The following FUT9 variants were observed in gnomAD, a reference collection of about 807,000 sequenced individuals.
FUT9 encodes the protein fucosyltransferase 9.
In FUT9, 15 loss-of-function variants were observed where a neutral mutation model predicts 29.7. The ratio of observed to expected loss-of-function variants is 0.51; its 90% CI spans 0.34 to 0.78. The LOEUF (loss-of-function observed/expected upper bound fraction) is 0.78, where lower values mean the gene tolerates loss of function less well. FUT9 is among the 30% of genes least tolerant of loss of function. The pLI, the probability that FUT9 is intolerant of heterozygous loss-of-function variation, is 0.01. For synonymous variants in FUT9, 169 were observed against 153.7 expected (o/e 1.10, Z -0.74); for missense variants, 319 against 425.4 (o/e 0.75, Z 2.20).
At chr6:96,025,459 CT>C in intron 1 of FUT9, among the ~76,000 whole-genome samples, 1 of 151,906 alleles carries the variant, frequency 6.6e-6, no homozygotes, top group Non-Finnish European at 1.5e-5. Flanking sequence ...ACAGACTTCT[CT>C]CAAATATTTA....
Position 96,133,955 on chromosome 6 carries a change from A to G in FUT9, c.-9+19828A>G, listed in dbSNP as rs114567123. On this transcript the variant is annotated intron_variant, in intron 2 of 2. Transcript: ENST00000302103. ...ATGTTAATAGTTAAGGTAAGTAGGCATAATTTTTTTAATGATTTCAAAGAG... is the reference window on the plus strand; with the variant it reads ...ATGTTAATAGTTAAGGTAAGTAGGCGTAATTTTTTTAATGATTTCAAAGAG... 4.9e-3 allele frequency among the ~76,000 whole-genome samples: 751 copies of G among 151,888 alleles called. 5 individuals are homozygous for G. The highest frequency in any genetic ancestry group is 0.017 in the African/African-American group (726 of 41,518).
intron 2 of FUT9, among the ~76,000 whole-genome samples, chr6:96,179,096 T>C (rs562986663): frequency 1.7e-3 from 264 of 152,240 alleles, no homozygotes; most frequent in African/African-American, 5.8e-3. Context: ...TGTAAATATA[T>C]AGTTATTGGG....
At chr6:96,080,896 T>C (rs966566288) in intron 1 of FUT9, among the ~76,000 whole-genome samples, 1 of 152,002 alleles carries the variant, frequency 6.6e-6, no homozygotes, top group African/African-American at 2.4e-5. Context: ...TAAACATATT[T>C]CTTATTTGAA....
chr6:96,018,680 A>T (rs1431184545), intron 1 of FUT9, among the ~76,000 whole-genome samples: 1 of 152,128 alleles, frequency 6.6e-6, no homozygotes, highest in Non-Finnish European at 1.5e-5. Flanking sequence ...AACATTATAA[A>T]GAGATATTTA....
rs66491542 is a variant in FUT9 at position 96,111,540 on chromosome 6, A to AAC, written c.-97-2455_-97-2454dup. Reference sequence around the variant, plus strand: ...ATTAAATTATAACCATGATTTGGGAAACACACACACACACACACACACACA... The same window carrying AAC: ...ATTAAATTATAACCATGATTTGGGAAACACACACACACACACACACACACACA... On this transcript the variant is annotated intron_variant, in intron 1 of 2. Coordinates refer to ENST00000302103, the MANE Select transcript of FUT9 (RefSeq NM_006581.4). Among the ~76,000 whole-genome samples the AAC allele has an allele frequency of 5.3e-3, 778 of 145,638 alleles. 2 individuals are homozygous for AAC. The highest frequency in any genetic ancestry group is 0.021 in the Middle Eastern group (6 of 290).
rs1773974802 is a variant in FUT9, at chr6:96,213,291, C to A, written c.*9056C>A. ...ATTCCCTCAAGAATGCACATATAGA[C>A]ACACATATGCCAATATCTTTTTTAT... On this transcript the variant is annotated 3_prime_UTR_variant, in exon 3 of 3. Transcript: ENST00000302103. The A allele has an allele frequency of 6.0e-6, 1 of 166,838 alleles. No homozygotes were observed. The highest frequency in any genetic ancestry group is 1.5e-5 in the Non-Finnish European group (1 of 68,020). The allele number at this position is 166,838 out of a possible 1,614,324, so 10.3% of individuals were successfully genotyped here. A position where few individuals can be genotyped will look rare whatever the true frequency, so the allele number is the denominator to read the frequency against.
chr6:96,172,202 T>C (rs756701801), intron 2 of FUT9, among the ~76,000 whole-genome samples: 1 of 152,120 alleles, frequency 6.6e-6, no homozygotes, highest in Non-Finnish European at 1.5e-5. Flanking sequence ...TCTCAGGACC[T>C]AATGAATTCC....
intron 2 of FUT9, among the ~76,000 whole-genome samples, chr6:96,117,630 T>A (rs1771936049): frequency 6.6e-6 from 1 of 152,216 alleles, no homozygotes; most frequent in East Asian, 1.9e-4. Context: ...TCTCTGAGAA[T>A]TTAAGTGACT....
chr6:96,061,304 T>TTTTTTTTTTTTTTTTG (rs1158183733), intron 1 of FUT9, among the ~76,000 whole-genome samples: 1 of 143,360 alleles, frequency 7.0e-6, no homozygotes, highest in African/African-American at 2.6e-5. Flanking sequence ...AGATACTTCT[T>TTTTTTTTTTTTTTTTG]AGGCTCTGTT....
chr6:96,045,865 T>G (rs1028124172), intron 1 of FUT9, among the ~76,000 whole-genome samples: 3 of 152,194 alleles, frequency 2.0e-5, no homozygotes, highest in African/African-American at 7.2e-5. Flanking sequence ...TAAGGCAGCT[T>G]AATGCAGTAT....
At chr6:96,049,551 G>A (rs1349132858) in intron 1 of FUT9, among the ~76,000 whole-genome samples, 1 of 152,176 alleles carries the variant, frequency 6.6e-6, no homozygotes, top group Non-Finnish European at 1.5e-5. Flanking sequence ...AACTATCAGA[G>A]AGAGGTTTGA....
intron 1 of FUT9, among the ~76,000 whole-genome samples, chr6:96,071,088 G>A (rs9404187): frequency 0.023 from 3,460 of 152,274 alleles, 65 homozygotes; most frequent in East Asian, 0.08. Flanking sequence ...ATGCATATTG[G>A]ATAAAAATTC....
intron 1 of FUT9, among the ~76,000 whole-genome samples, chr6:96,030,326 A>G (rs1407618644): frequency 6.6e-6 from 1 of 151,688 alleles, no homozygotes; most frequent in African/African-American, 2.4e-5. Flanking sequence ...TTAACAATGG[A>G]GATACATGGT....
At chr6:96,188,020 C>T (rs972499992) in intron 2 of FUT9, among the ~76,000 whole-genome samples, 2 of 152,098 alleles carry the variant, frequency 1.3e-5, no homozygotes, top group African/African-American at 4.8e-5. Flanking sequence ...TAAAACAAAT[C>T]TAGATTCCTT....
chr6:96,187,422 T>C (rs1032426598), intron 2 of FUT9, among the ~76,000 whole-genome samples: 1 of 152,078 alleles, frequency 6.6e-6, no homozygotes, highest in Non-Finnish European at 1.5e-5. Flanking sequence ...GGAGCAGAAA[T>C]GAGCTTGCAT....
intron 1 of FUT9, among the ~76,000 whole-genome samples, chr6:96,072,532 T>C (rs1771079758): frequency 6.6e-6 from 1 of 152,206 alleles, no homozygotes; most frequent in African/African-American, 2.4e-5. Flanking sequence ...TTAAAATTAC[T>C]ATTCCATAAA....
At chr6:96,122,223 A>G (rs778101827) in intron 2 of FUT9, among the ~76,000 whole-genome samples, 1 of 152,220 alleles carries the variant, frequency 6.6e-6, no homozygotes, top group Non-Finnish European at 1.5e-5. Context: ...CATTTATGGT[A>G]GTTAACACAT....
chr6:96,140,038 A>G (rs1349695593), intron 2 of FUT9, among the ~76,000 whole-genome samples: 1 of 152,314 alleles, frequency 6.6e-6, no homozygotes, highest in Non-Finnish European at 1.5e-5. Flanking sequence ...TCAAACTTTT[A>G]TACTCTACTT....
At chr6:96,105,919 C>A (rs1398207997) in intron 1 of FUT9, among the ~76,000 whole-genome samples, 1 of 152,122 alleles carries the variant, frequency 6.6e-6, no homozygotes, top group Non-Finnish European at 1.5e-5. Context: ...TTAGATGATT[C>A]TTATGCCTAT....
Sources: allele counts gnomAD v4.1 joint callset (sites outside exome capture counted in the v4.1 genomes callset), GRCh38; gene constraint gnomAD v4.1.1; transcripts MANE v1.5; gene names NCBI Gene and HGNC (gene_info 2026-07-23, HGNC 2026-07-21).